The following PPP6R3 variants were observed in gnomAD, a reference collection of about 807,000 sequenced individuals.
PPP6R3 encodes the protein protein phosphatase 6 regulatory subunit 3.
Under a neutral mutation model 110.7 loss-of-function variants are expected in PPP6R3, and 38 were observed. That is an observed-to-expected ratio of 0.34 (90% CI 0.26 to 0.45). The LOEUF is 0.45. Ranked by LOEUF, PPP6R3 falls within the 20% of genes least tolerant of loss-of-function variation. PPP6R3 has a pLI of 1.00. For missense variants in PPP6R3, 870 were observed against 1,062.4 expected, an observed-to-expected ratio of 0.82 and a Z score of 2.52; for synonymous variants, 369 against 373.5, an observed-to-expected ratio of 0.99 and a Z score of 0.14.
At chr11:68,574,048 C>G in intron 12 of PPP6R3, 61 bp from the exon 13 acceptor site, 1 of 1,180,546 alleles carries the variant, frequency 8.5e-7, no homozygotes, top group East Asian at 2.4e-5. Context: ...CAGTATTTAC[C>G]GAGTGTTTCA....
intron 22 of PPP6R3, among the ~76,000 whole-genome samples, chr11:68,605,869 G>T (rs564748370): frequency 2.0e-5 from 3 of 152,164 alleles, no homozygotes; most frequent in Admixed American, 6.5e-5. Context: ...ATGCTATTTC[G>T]TGCTCACCAG....
chr11:68,560,816 G>C (rs1187743972), intron 8 of PPP6R3, among the ~76,000 whole-genome samples: 2 of 151,128 alleles, frequency 1.3e-5, no homozygotes, highest in African/African-American at 2.4e-5. Context: ...CTCAAGTCTC[G>C]TATAAATGGC....
In PPP6R3 at chr11:68,614,807, A is replaced by G. The variant is rs757005388; in HGVS notation, c.*1690A>G. ...CCTCTGGAAGCAGCACCCCCAGAGG[A>G]CAGGGCTCCTCCTGCTTGCCTCAGG... On this transcript the variant is annotated 3_prime_UTR_variant, in exon 24 of 24. Transcript: ENST00000393800. 1 of 1,481,188 alleles carries G rather than the reference A, an allele frequency of 6.8e-7. No individual in the cohort carries two copies. The highest frequency in any genetic ancestry group is 1.2e-5 in the South Asian group (1 of 82,440). 91.8% of individuals were successfully genotyped at this position (1,481,188 alleles called of 1,614,324 possible). A position where few individuals can be genotyped will look rare whatever the true frequency, so the allele number is the denominator to read the frequency against.
At chr11:68,572,310 C>T (rs1357415147) in intron 12 of PPP6R3, among the ~76,000 whole-genome samples, 1 of 152,138 alleles carries the variant, frequency 6.6e-6, no homozygotes, top group African/African-American at 2.4e-5. Flanking sequence ...CCTGGTGAGT[C>T]CCGTTTTCTG....
In PPP6R3 at chr11:68,472,925, C is replaced by A. The variant is rs532173671; in HGVS notation, c.-158+12098C>A. 9.8e-5 allele frequency among the ~76,000 whole-genome samples: 15 copies of A among 152,314 alleles called. No individual in the cohort carries two copies. The South Asian group carries it at 3.1e-3, about 32-fold the overall frequency. On this transcript the variant is annotated intron_variant, in intron 1 of 23. Coordinates refer to ENST00000393800, the MANE Select transcript of PPP6R3 (RefSeq NM_001164161.2). Reference sequence around the variant, plus strand: ...TTAGCATGTATCAGTATCAGTCCTTCATTCTTTTTAGTTGCTGAATAGTGT... The same window carrying A: ...TTAGCATGTATCAGTATCAGTCCTTAATTCTTTTTAGTTGCTGAATAGTGT...
At chr11:68,521,885 G>T (rs2099165960) in intron 2 of PPP6R3, among the ~76,000 whole-genome samples, 1 of 152,058 alleles carries the variant, frequency 6.6e-6, no homozygotes, top group Non-Finnish European at 1.5e-5. Context: ...TCACCTAATT[G>T]GTCTTTAAAG....
chr11:68,601,973 C>T lies in PPP6R3; in HGVS notation c.2299+4C>T, dbSNP rs753197048. ...GCCCTGGCAGTGCAGCCAGAAGGTG[C>T]GTGCAGAGAGGCCTGGGTACACGCC... On this transcript the variant is annotated splice_donor_region_variant and intron_variant, in intron 21 of 23. Coordinates refer to ENST00000393800, the MANE Select transcript of PPP6R3 (RefSeq NM_001164161.2). 1.4e-5 allele frequency: 23 copies of T among 1,606,248 alleles called. No individual in the cohort carries two copies. The highest frequency in any genetic ancestry group is 5.4e-5 in the African/African-American group (4 of 74,674).
chr11:68,549,205 C>G (rs1323931039), intron 5 of PPP6R3, among the ~76,000 whole-genome samples: 1 of 152,200 alleles, frequency 6.6e-6, no homozygotes, highest in Non-Finnish European at 1.5e-5. Flanking sequence ...TCCCTTTCTT[C>G]CCTTTCTCAG....
chr11:68,474,043 C>CT lies in PPP6R3; in HGVS notation c.-158+13233dup, dbSNP rs34322224. Among the ~76,000 whole-genome samples, 1,040 of 136,344 alleles carry CT rather than the reference C, an allele frequency of 7.6e-3. 41 individuals carry two copies. In the East Asian group the frequency reaches 0.11, roughly 15 times the overall value. The allele number at this position is 136,344 out of a possible 152,430, so 89.4% of individuals were successfully genotyped here. A position where few individuals can be genotyped will look rare whatever the true frequency, so the allele number is the denominator to read the frequency against. On this transcript the variant is annotated intron_variant, in intron 1 of 23. Transcript: ENST00000393800. ...TATTTGCATGTTAAAAAGCAATTAC[C>CT]TTTTTTTTTTTTTTTTTGAGACAAG...
intron 15 of PPP6R3, chr11:68,587,657 A>C (rs368361450): frequency 8.0e-6 from 4 of 498,292 alleles, no homozygotes; most frequent in Non-Finnish European, 1.5e-5. Context: ...ACCTCTCTCT[A>C]AAGATAATTC....
rs773233048 is a variant in PPP6R3 at position 68,600,348 on chromosome 11, C to T, written c.2046C>T (p.Asn682=). 1 of 1,613,660 alleles carries T rather than the reference C, an allele frequency of 6.2e-7. No homozygotes were observed. The highest frequency in any genetic ancestry group is 8.5e-7 in the Non-Finnish European group (1 of 1,179,706). The change falls in exon 20 of 24, where the codon AAC becomes AAT. Residue 682 remains asparagine, a synonymous_variant. Transcript: ENST00000393800. ...KMEVDLSEPP[N]WSANFDVPME... is the part of the protein sequence containing the mutation. Reference sequence around the variant, plus strand: ...TTTCTCCCCTCTTTTTAGCACCCAACTGGTCAGCTAACTTTGATGTCCCAA... The same window carrying T: ...TTTCTCCCCTCTTTTTAGCACCCAATTGGTCAGCTAACTTTGATGTCCCAA...
In PPP6R3 at chr11:68,602,644, G is replaced by T. The variant is rs1409769531; in HGVS notation, c.2299+675G>T. The stretch of plus-strand genomic sequence containing the variant: ...GGGTGTGAGAACCCTCCTTCCCAGG[G>T]GCAAGGGAAAGGAATAAAACCAATA... On this transcript the variant is annotated intron_variant, in intron 21 of 23. Transcript: ENST00000393800. Among the ~76,000 whole-genome samples, 9 of 152,108 alleles carry T rather than the reference G, an allele frequency of 5.9e-5. No homozygotes were observed. The East Asian group carries it at 1.7e-3, about 29-fold the overall frequency.
At position 68,519,515 on chromosome 11, in the gene PPP6R3, T is replaced by C. The variant is rs1409113798; in HGVS notation, c.-143T>C. 2.5e-6 allele frequency: 1 copy of C among 398,268 alleles called. No individual in the cohort carries two copies. Among genetic ancestry groups the C allele is most frequent in the Non-Finnish European group, 4.4e-6 (1 of 225,928 alleles). The allele number at this position is 398,268 out of a possible 1,614,324, so 24.7% of individuals were successfully genotyped here. A position where few individuals can be genotyped will look rare whatever the true frequency, so the allele number is the denominator to read the frequency against. ...TTCTTTTACAGGAGAGCTTGTTTCATATCCATATCCCACTGTATTCCTGCT... is the reference window on the plus strand; with the variant it reads ...TTCTTTTACAGGAGAGCTTGTTTCACATCCATATCCCACTGTATTCCTGCT... On this transcript the variant is annotated 5_prime_UTR_variant, in exon 2 of 24. Transcript: ENST00000393800.
At chr11:68,507,323 A>G (rs2099084214) in intron 1 of PPP6R3, among the ~76,000 whole-genome samples, 1 of 146,286 alleles carries the variant, frequency 6.8e-6, no homozygotes, top group Admixed American at 7.0e-5. Context: ...CTCGGGCTGT[A>G]CTAAAATGGT....
At chr11:68,466,094 T>C (rs2098743219) in intron 1 of PPP6R3, among the ~76,000 whole-genome samples, 1 of 152,224 alleles carries the variant, frequency 6.6e-6, no homozygotes, top group Non-Finnish European at 1.5e-5. Context: ...GCAAAATGTT[T>C]CCGGCATTCT....
At chr11:68,529,639 G>T (rs771726581) in intron 2 of PPP6R3, among the ~76,000 whole-genome samples, 3 of 152,182 alleles carry the variant, frequency 2.0e-5, no homozygotes, top group Admixed American at 6.5e-5. Flanking sequence ...AAACTTTCTT[G>T]TTATTGCTAT....
chr11:68,544,984 G>A lies in PPP6R3; in HGVS notation c.374G>A (p.Ser125Asn). 2 of 1,610,102 alleles carry A rather than the reference G, an allele frequency of 1.2e-6. No individual in the cohort carries two copies. Among genetic ancestry groups the A allele is most frequent in the Non-Finnish European group, 1.7e-6 (2 of 1,176,486 alleles). Residue 125 changes from serine (S) to asparagine (N), a missense_variant, in exon 4 of 24, where the codon AGC (serine) becomes AAC (asparagine). By Grantham distance (46) the Ser-to-Asn change is conservative (BLOSUM62 1). Coordinates refer to ENST00000393800, the MANE Select transcript of PPP6R3 (RefSeq NM_001164161.2). The part of the protein sequence containing the change: ...PLNPLLASFF[S>N]KVLSILISRK... ...AATCCACTACTTGCCAGTTTCTTCA[G>A]CAAGGTGCTAAGTATTCTTATCAGC...
intron 11 of PPP6R3, among the ~76,000 whole-genome samples, chr11:68,570,143 TA>T (rs1186541940): frequency 6.6e-6 from 1 of 152,250 alleles, no homozygotes; most frequent in Non-Finnish European, 1.5e-5. Flanking sequence ...TTGGTAAAAT[TA>T]ATAGGTTTGA....
chr11:68,540,807 A>G (rs972762597), intron 3 of PPP6R3, among the ~76,000 whole-genome samples: 1 of 152,234 alleles, frequency 6.6e-6, no homozygotes, highest in South Asian at 2.1e-4. Flanking sequence ...GAAGAGAAAT[A>G]TGGCTCTGTT....
Sources: allele counts gnomAD v4.1 joint callset (sites outside exome capture counted in the v4.1 genomes callset), GRCh38; gene constraint gnomAD v4.1.1; transcripts MANE v1.5; gene names NCBI Gene and HGNC (gene_info 2026-07-23, HGNC 2026-07-21).